ELMO1: variants seen among roughly 807,000 people sequenced by gnomAD.
ELMO1 encodes engulfment and cell motility 1.
A neutral mutation model predicts 98.9 loss-of-function variants in ELMO1; 26 were observed. The ratio of observed to expected loss-of-function variants is 0.26; its 90% CI spans 0.19 to 0.36. The LOEUF is 0.36. ELMO1 is among the 10% of genes least tolerant of loss of function. ELMO1 has a pLI of 1.00. For missense variants in ELMO1, 627 were observed against 935.2 expected (o/e 0.67, Z 4.30); for synonymous variants, 346 against 346.0 (o/e 1.00, Z 0.00).
intron 16 of ELMO1, among the ~76,000 whole-genome samples, chr7:36,910,230 A>G (rs1784248614): frequency 6.6e-6 from 1 of 152,214 alleles, no homozygotes; most frequent in African/African-American, 2.4e-5. Flanking sequence ...GCTTACTCAA[A>G]ATCATACGCC....
intron 6 of ELMO1, among the ~76,000 whole-genome samples, chr7:37,245,481 G>A (rs542683436): frequency 1.3e-5 from 2 of 152,224 alleles, no homozygotes; most frequent in Admixed American, 6.5e-5. Context: ...TTTAGTCTCT[G>A]GTAAAATTTG....
intron 15 of ELMO1, among the ~76,000 whole-genome samples, chr7:37,022,909 A>T (rs569988906): frequency 6.6e-6 from 1 of 152,350 alleles, no homozygotes; most frequent in Admixed American, 6.5e-5. Context: ...AATTATTTTT[A>T]AAAATGCTAC....
intron 7 of ELMO1, among the ~76,000 whole-genome samples, chr7:37,237,300 T>C (rs1318848304): frequency 3.3e-5 from 5 of 152,210 alleles, no homozygotes; most frequent in Non-Finnish European, 7.3e-5. Flanking sequence ...TTTATTTATT[T>C]ATTTTTTTAG....
Position 36,870,324 on chromosome 7 carries a change from G to C in ELMO1, c.1905+69C>G. 7.2e-7 allele frequency: 1 copy of C among 1,396,626 alleles called. No homozygotes were observed. Among genetic ancestry groups the C allele is most frequent in the South Asian group, 1.2e-5 (1 of 84,904 alleles). 86.5% of individuals were successfully genotyped at this position (1,396,626 alleles called of 1,614,324 possible). ...CACACGAACACTGCTATAAAGGAGG[G>C]CTAGGCTGGCTGCAGTTGCCGACCG... On this transcript the variant is annotated intron_variant, in intron 20 of 21. Transcript: ENST00000310758. This position sits in a 1 kb window ranked among gnomAD's most constrained non-coding sequence, Gnocchi z 4.4.
chr7:37,149,059 G>A (rs763282710), intron 13 of ELMO1, among the ~76,000 whole-genome samples: 26 of 152,286 alleles, frequency 1.7e-4, no homozygotes, highest in Non-Finnish European at 3.5e-4. Flanking sequence ...GGTGAGGAAC[G>A]ACCATCAGCA....
At chr7:37,387,147 T>C (rs989257765) in intron 1 of ELMO1, among the ~76,000 whole-genome samples, 23 of 152,242 alleles carry the variant, frequency 1.5e-4, no homozygotes, top group Admixed American at 1.2e-3. Flanking sequence ...ATGCAGCTTC[T>C]AGCACAAAGG....
At chr7:37,099,609 CATA>C (rs1279534139) in intron 14 of ELMO1, among the ~76,000 whole-genome samples, 3 of 152,244 alleles carry the variant, frequency 2.0e-5, no homozygotes, top group African/African-American at 7.2e-5. Flanking sequence ...ACTCTTTCTG[CATA>C]TTTTATTTAA....
intron 14 of ELMO1, among the ~76,000 whole-genome samples, chr7:37,104,176 C>T (rs547078199): frequency 2.0e-5 from 3 of 152,070 alleles, no homozygotes; most frequent in Admixed American, 6.5e-5. Context: ...CCAAATGCTA[C>T]GACAACAACC....
chr7:37,033,946 A>G (rs2129188033), intron 15 of ELMO1, among the ~76,000 whole-genome samples: 1 of 152,334 alleles, frequency 6.6e-6, no homozygotes, highest in Middle Eastern at 3.4e-3. Flanking sequence ...TAAGAGAGAC[A>G]GTGCTGTGCC....
At chr7:37,057,273 T>C (rs1796435359) in intron 15 of ELMO1, among the ~76,000 whole-genome samples, 1 of 151,582 alleles carries the variant, frequency 6.6e-6, no homozygotes, top group Non-Finnish European at 1.5e-5. Flanking sequence ...AGTTGTCATG[T>C]GTTTTGAAAA....
At chr7:37,179,860 C>T (rs1035110831) in intron 13 of ELMO1, among the ~76,000 whole-genome samples, 9 of 152,036 alleles carry the variant, frequency 5.9e-5, no homozygotes, top group African/African-American at 9.7e-5. Context: ...AGTTACACAG[C>T]GAGGTAAAGA....
chr7:37,083,021 C>A (rs746598143), intron 15 of ELMO1, among the ~76,000 whole-genome samples: 2 of 152,146 alleles, frequency 1.3e-5, no homozygotes, highest in Non-Finnish European at 2.9e-5. Flanking sequence ...ACAAGGAGTA[C>A]CACAGTAGCT....
intron 5 of ELMO1, among the ~76,000 whole-genome samples, chr7:37,264,126 G>A (rs757023786): frequency 6.0e-4 from 91 of 152,132 alleles, no homozygotes; most frequent in Non-Finnish European, 6.9e-4. Context: ...CAGCCAAGAC[G>A]CAAACATATT....
At chr7:37,008,463 T>A (rs759974061) in intron 16 of ELMO1, among the ~76,000 whole-genome samples, 1 of 152,206 alleles carries the variant, frequency 6.6e-6, no homozygotes, top group Non-Finnish European at 1.5e-5. Flanking sequence ...CAGAATTTAC[T>A]GTGAAATTCA....
At chr7:36,936,072 C>T (rs1786504352) in intron 16 of ELMO1, among the ~76,000 whole-genome samples, 1 of 152,150 alleles carries the variant, frequency 6.6e-6, no homozygotes, top group Non-Finnish European at 1.5e-5. Context: ...CTGACCACCC[C>T]ACCCACCTCC....
chr7:37,385,853 C>T (rs1261440932), intron 1 of ELMO1, among the ~76,000 whole-genome samples: 1 of 152,228 alleles, frequency 6.6e-6, no homozygotes, highest in Non-Finnish European at 1.5e-5. Context: ...TGAGGAACCA[C>T]CTGGAGAACA....
intron 15 of ELMO1, among the ~76,000 whole-genome samples, chr7:37,031,651 G>A (rs181767156): frequency 6.6e-6 from 1 of 152,104 alleles, no homozygotes; most frequent in African/African-American, 2.4e-5. Context: ...TTGTCTCCTT[G>A]TGGAAATTCT....
chr7:37,025,222 T>C (rs569499672), intron 15 of ELMO1, among the ~76,000 whole-genome samples: 3 of 152,064 alleles, frequency 2.0e-5, no homozygotes, highest in Non-Finnish European at 4.4e-5. Flanking sequence ...AAAATAACAA[T>C]AAAAAACAAC....
intron 13 of ELMO1, among the ~76,000 whole-genome samples, chr7:37,138,153 A>G (rs1787384613): frequency 6.6e-6 from 1 of 152,186 alleles, no homozygotes. Context: ...ATGGACCTGG[A>G]GAAACAAGAA....
Sources: gnomAD v4.1 joint callset for allele counts (sites outside exome capture counted in the v4.1 genomes callset) on GRCh38, gnomAD v4.1.1 for gene constraint, Gnocchi (gnomAD v3.1) non-coding constraint, MANE v1.5 for transcripts, NCBI Gene and HGNC (gene_info 2026-07-23, HGNC 2026-07-21) for gene names.